The following ASB3 variants were observed in gnomAD, a reference collection of about 807,000 sequenced individuals.
ASB3 encodes the protein ankyrin repeat and SOCS box protein 3.
ASB3 carries 41 observed loss-of-function variants against 54.5 expected under a neutral mutation model. The ratio of observed to expected loss-of-function variants is 0.75; its 90% confidence interval spans 0.59 to 0.98. ASB3 has a LOEUF of 0.98. Ranked by LOEUF, ASB3 falls within the 50% of genes least tolerant of loss-of-function variation. The pLI is 0.00. For missense variants in ASB3, 733 were observed against 620.0 expected, an observed-to-expected ratio of 1.18 and a Z score of -1.94; for synonymous variants, 266 against 221.2, an observed-to-expected ratio of 1.20 and a Z score of -1.80.
At chr2:53,718,364 A>G (rs1670514607) in intron 5 of ASB3, among the ~76,000 whole-genome samples, 1 of 152,204 alleles carries the variant, frequency 6.6e-6, no homozygotes, top group African/African-American at 2.4e-5. Flanking sequence ...GTCTATTTTC[A>G]GCATTCTTAA....
Position 53,700,394 on chromosome 2 carries a change from C to T in ASB3, c.1115G>A (p.Gly372Glu), listed in dbSNP as rs778438272. ...RYFLRKGCSL[G>E]PWNHIYEFVN... is the part of the protein sequence containing the mutation. ...AAATTCATATATATGGTTCCATGGT[C>T]CCAATGAGCAACCTTTCCTCAAAAA... Residue 372 changes from glycine to glutamate, a missense_variant, in exon 8 of 10, where the codon GGA (glycine) becomes GAA (glutamate). Physicochemically the swap from Gly to Glu is moderately conservative, Grantham distance 98. Coordinates refer to ENST00000263634, the MANE Select transcript of ASB3 (RefSeq NM_016115.5). The T allele has an allele frequency of 1.9e-6, 3 of 1,614,068 alleles. No individual in the cohort carries two copies. The highest frequency in any genetic ancestry group is 1.7e-6 in the Non-Finnish European group (2 of 1,179,996).
intron 1 of ASB3, among the ~76,000 whole-genome samples, chr2:53,772,209 C>T (rs890591245): frequency 1.3e-5 from 2 of 152,086 alleles, no homozygotes; most frequent in African/African-American, 4.8e-5. Context: ...GAGTCTAGCT[C>T]TGTCGCCCAG....
intron 9 of ASB3, among the ~76,000 whole-genome samples, chr2:53,676,198 C>G (rs1431161769): frequency 6.6e-6 from 1 of 152,140 alleles, no homozygotes; most frequent in Non-Finnish European, 1.5e-5. Context: ...TAAAGTACTG[C>G]AAAGACTCTA....
At chr2:53,764,459 C>T (rs1422709294) in intron 2 of ASB3, among the ~76,000 whole-genome samples, 1 of 152,142 alleles carries the variant, frequency 6.6e-6, no homozygotes, top group African/African-American at 2.4e-5. Context: ...ATAATACTGC[C>T]TCTAACACCA....
intron 3 of ASB3, among the ~76,000 whole-genome samples, chr2:53,735,682 G>A (rs1005045727): frequency 2.6e-5 from 4 of 151,454 alleles, no homozygotes; most frequent in African/African-American, 9.7e-5. Flanking sequence ...AATGTAAAGG[G>A]CCAAATAAAG....
intron 1 of ASB3, among the ~76,000 whole-genome samples, chr2:53,785,010 T>G (rs1394918021): frequency 6.6e-6 from 1 of 152,166 alleles, no homozygotes; most frequent in East Asian, 1.9e-4. Context: ...CTTCTACCAC[T>G]TTCCTCTTAC....
chr2:53,764,378 C>A (rs1359424884), intron 2 of ASB3, among the ~76,000 whole-genome samples: 3 of 152,110 alleles, frequency 2.0e-5, no homozygotes, highest in African/African-American at 7.2e-5. Flanking sequence ...AAATCAAATA[C>A]CCTAGTTTAT....
At position 53,714,383 on chromosome 2, in the gene ASB3, C is replaced by A; in HGVS notation, c.980+1G>T. 4 of 1,614,016 alleles carry A rather than the reference C, an allele frequency of 2.5e-6. No individual in the cohort carries two copies. The highest frequency in any genetic ancestry group is 3.4e-6 in the Non-Finnish European group (4 of 1,179,972). On this transcript the variant is annotated splice_donor_variant, in intron 7 of 9. Transcript: ENST00000263634. LOFTEE classifies it high-confidence loss of function. ...AATAAAAACATAGCAAATATACATA[C>A]TCCTTTTGGAAAGCCATGCACACAG...
chr2:53,741,499 T>C (rs1027455290), intron 3 of ASB3, among the ~76,000 whole-genome samples: 2 of 152,240 alleles, frequency 1.3e-5, no homozygotes, highest in African/African-American at 2.4e-5. Flanking sequence ...GAAACCAATA[T>C]ATTGATTTAT....
chr2:53,777,736 A>G lies in ASB3; in HGVS notation c.-14+9085T>C, dbSNP rs939952093. ...AGGTTTATGATACTCATATCAATTT[A>G]TAAGCTTTTGGAGGAAATAGATGGT... On this transcript the variant is annotated intron_variant, in intron 1 of 9. Transcript: ENST00000263634. Among the ~76,000 whole-genome samples, 8 of 152,368 alleles carry G rather than the reference A, an allele frequency of 5.3e-5. 1 individual carries two copies. Among genetic ancestry groups the G allele is most frequent in the South Asian group, 4.1e-4 (2 of 4,830 alleles).
In ASB3 at chr2:53,765,503, T is replaced by C. The variant is rs1673390688; in HGVS notation, c.70A>G (p.Lys24Glu). ...TTTTTGAGCAGTTTCCTTAAGACTTTAACATTGCCTTCCCTGGCAGCAAGT... is the reference window on the plus strand; with the variant it reads ...TTTTTGAGCAGTTTCCTTAAGACTTCAACATTGCCTTCCCTGGCAGCAAGT... ...VGLAAREGNV[K>E]VLRKLLKKGR... Residue 24 changes from lysine (K) to glutamate (E), a missense_variant, in exon 2 of 10, where the codon AAA becomes GAA. Physicochemically the swap from Lys to Glu is moderately conservative, Grantham distance 56. Coordinates refer to ENST00000263634, the MANE Select transcript of ASB3 (RefSeq NM_016115.5). 4 of 1,614,110 alleles carry C rather than the reference T, an allele frequency of 2.5e-6. No individual in the cohort carries two copies. Among genetic ancestry groups the C allele is most frequent in the Non-Finnish European group, 3.4e-6 (4 of 1,180,048 alleles).
intron 1 of ASB3, among the ~76,000 whole-genome samples, chr2:53,778,556 A>T (rs1219822608): frequency 6.6e-6 from 1 of 152,166 alleles, no homozygotes; most frequent in African/African-American, 2.4e-5. Context: ...CCTTCCCTCC[A>T]ACCCTGGTAA....
chr2:53,695,838 G>C (rs1461717779), intron 8 of ASB3, among the ~76,000 whole-genome samples: 2 of 152,128 alleles, frequency 1.3e-5, no homozygotes, highest in Non-Finnish European at 2.9e-5. Context: ...TTTAAATATT[G>C]TGACAGGCAA....
rs902915776 is a variant in ASB3 at position 53,711,184 on chromosome 2, G to T, written c.980+3200C>A. On this transcript the variant is annotated intron_variant, in intron 7 of 9. Transcript: ENST00000263634. ...GGTCTATCTTGTGCATTTAAAGCTTGGGGTAAGTCAGGAATATGCAAATTC... is the reference window on the plus strand; with the variant it reads ...GGTCTATCTTGTGCATTTAAAGCTTTGGGTAAGTCAGGAATATGCAAATTC... Among the ~76,000 whole-genome samples the T allele has an allele frequency of 2.6e-5, 4 of 152,042 alleles. No individual in the cohort carries two copies. In the East Asian group the frequency reaches 7.7e-4, roughly 29 times the overall value.
intron 7 of ASB3, among the ~76,000 whole-genome samples, chr2:53,702,436 ATGGATAACCTC>A (rs1453333909): frequency 1.3e-5 from 2 of 152,338 alleles, no homozygotes; most frequent in African/African-American, 4.8e-5. Context: ...ATCCTTGAGC[ATGGATAACCTC>A]TGGTTAAAAT....
intron 9 of ASB3, among the ~76,000 whole-genome samples, chr2:53,690,380 G>T (rs1374114202): frequency 6.6e-6 from 1 of 152,154 alleles, no homozygotes; most frequent in African/African-American, 2.4e-5. Context: ...TCAAGTCATA[G>T]CAACAGAAGT....
intron 1 of ASB3, chr2:53,774,121 ATTCTT>A (rs762673202): frequency 8.9e-6 from 14 of 1,569,192 alleles, no homozygotes; most frequent in Non-Finnish European, 1.1e-5. Flanking sequence ...ATACCAGTGT[ATTCTT>A]TTCATTTTTC....
chr2:53,750,744 G>A (rs750299583), intron 3 of ASB3, 39 bp downstream of exon 3: 1 of 1,435,396 alleles, frequency 7.0e-7, no homozygotes, highest in Non-Finnish European at 9.2e-7. Flanking sequence ...AAATAATAAT[G>A]ATGAAAAATT....
chr2:53,781,901 A>G (rs1674670457), intron 1 of ASB3, among the ~76,000 whole-genome samples: 1 of 152,260 alleles, frequency 6.6e-6, no homozygotes, highest in Non-Finnish European at 1.5e-5. Context: ...CTTTTTAAAC[A>G]ACAGTATGCC....
Sources: gnomAD v4.1 joint callset for allele counts (sites outside exome capture counted in the v4.1 genomes callset) on GRCh38, gnomAD v4.1.1 for gene constraint, MANE v1.5 for transcripts, NCBI Gene and HGNC (gene_info 2026-07-23, HGNC 2026-07-21) for gene names.